The following DOK5 variants were observed in gnomAD, a reference collection of about 807,000 sequenced individuals.
DOK5 encodes the protein downstream of tyrosine kinase 5.
DOK5 carries 27 observed loss-of-function variants against 43.3 expected under a neutral mutation model. The observed-to-expected ratio is 0.62, with a 90% confidence interval of 0.46 to 0.86. The LOEUF is 0.86. Ranked by LOEUF, DOK5 falls within the 40% of genes least tolerant of loss-of-function variation. The probability of loss-of-function intolerance (pLI) is 0.00; values close to 1 mark genes in which losing one functional copy is unlikely to be tolerated. For synonymous variants in DOK5, 146 were observed against 140.1 expected, an observed-to-expected ratio of 1.04 and a Z score of -0.30; for missense variants, 373 against 392.9, an observed-to-expected ratio of 0.95 and a Z score of 0.43.
At chr20:54,619,623 C>G (rs1986921529) in intron 6 of DOK5, among the ~76,000 whole-genome samples, 1 of 152,170 alleles carries the variant, frequency 6.6e-6, no homozygotes, top group South Asian at 2.1e-4. Context: ...CTCTGGAGTC[C>G]TGATTACACA....
intron 1 of DOK5, among the ~76,000 whole-genome samples, chr20:54,514,985 A>C (rs1179145913): frequency 6.6e-6 from 1 of 151,608 alleles, no homozygotes; most frequent in African/African-American, 2.4e-5. Context: ...CTAAGGACCT[A>C]ACTTCAGGCT....
chr20:54,572,184 G>A lies in DOK5; in HGVS notation c.175-16299G>A, dbSNP rs999578244. Among the ~76,000 whole-genome samples, 21 of 147,890 alleles carry A rather than the reference G, an allele frequency of 1.4e-4. 1 individual carries two copies. The highest frequency in any genetic ancestry group is 9.9e-4 in the East Asian group (5 of 5,062). ...ACATTCTTTTTTTTTTTTTTGAGAC[G>A]GAGTCTCGCTCTGTTGCCCAGGCTG... On this transcript the variant is annotated intron_variant, in intron 2 of 7. Coordinates refer to ENST00000262593, the MANE Select transcript of DOK5 (RefSeq NM_018431.5).
rs1157633170 is a variant in DOK5 at position 54,544,450 on chromosome 20, G to A, written c.67-10483G>A. ...CCTGTCATGACACAGTCATTCATAG[G>A]ATGGAAAATTCTGACTTTCTTGGCC... On this transcript the variant is annotated intron_variant, in intron 1 of 7. Transcript: ENST00000262593. Among the ~76,000 whole-genome samples, 3 of 152,166 alleles carry A rather than the reference G, an allele frequency of 2.0e-5. No individual in the cohort carries two copies. In the East Asian group the frequency reaches 5.8e-4, roughly 29 times the overall value.
intron 2 of DOK5, among the ~76,000 whole-genome samples, chr20:54,563,325 T>TTTCCTGGTGGTTGCCTCTG (rs1984976486): frequency 6.6e-6 from 1 of 152,188 alleles, no homozygotes; most frequent in Non-Finnish European, 1.5e-5. Flanking sequence ...TGGTGTTCAT[T>TTTCCTGGTGGTTGCCTCTG]TTCCTGGTGG....
intron 2 of DOK5, among the ~76,000 whole-genome samples, chr20:54,567,699 C>G (rs747302021): frequency 2.6e-5 from 4 of 151,992 alleles, no homozygotes; most frequent in Non-Finnish European, 5.9e-5. Context: ...TAAAAATAAG[C>G]CTGTCTATAT....
chr20:54,589,632 A>G (rs956442459), intron 4 of DOK5, among the ~76,000 whole-genome samples: 6 of 152,148 alleles, frequency 3.9e-5, no homozygotes, highest in Admixed American at 3.9e-4. Flanking sequence ...GACTTGATCT[A>G]TGAGGGCATG....
intron 2 of DOK5, among the ~76,000 whole-genome samples, chr20:54,565,921 G>A (rs373350220): frequency 2.4e-4 from 36 of 151,770 alleles, no homozygotes; most frequent in African/African-American, 8.7e-4. Flanking sequence ...AGAAGGCTGA[G>A]GCAGGAGAAT....
chr20:54,636,059 G>C (rs1242176480), intron 6 of DOK5, among the ~76,000 whole-genome samples: 1 of 148,690 alleles, frequency 6.7e-6, no homozygotes, highest in Admixed American at 6.6e-5. Flanking sequence ...GAGAGGGCCG[G>C]AAGAGAGACC....
At chr20:54,637,927 CG>C (rs2146824306) in intron 6 of DOK5, among the ~76,000 whole-genome samples, 2 of 152,246 alleles carry the variant, frequency 1.3e-5, no homozygotes, top group South Asian at 4.1e-4. Context: ...TCAAGACCAT[CG>C]TGGCTAACAC....
intron 2 of DOK5, among the ~76,000 whole-genome samples, chr20:54,564,823 C>A (rs897122548): frequency 6.6e-6 from 1 of 152,202 alleles, no homozygotes; most frequent in Admixed American, 6.5e-5. Flanking sequence ...GGATTCCCGT[C>A]ACCCTTAGAA....
At chr20:54,601,210 A>C (rs1048441730) in intron 5 of DOK5, among the ~76,000 whole-genome samples, 5 of 152,214 alleles carry the variant, frequency 3.3e-5, no homozygotes, top group African/African-American at 1.2e-4. Flanking sequence ...GGTTAACTTC[A>C]GGGCTCATTC....
At chr20:54,639,601 T>C (rs984428270) in intron 6 of DOK5, among the ~76,000 whole-genome samples, 1 of 147,810 alleles carries the variant, frequency 6.8e-6, no homozygotes, top group African/African-American at 2.5e-5. Context: ...TACTTGTTAA[T>C]GTGAAGATAT....
At chr20:54,644,011 C>T (rs560076788) in intron 7 of DOK5, among the ~76,000 whole-genome samples, 1 of 152,202 alleles carries the variant, frequency 6.6e-6, no homozygotes, top group East Asian at 1.9e-4. Flanking sequence ...ATTTCCATGC[C>T]CTTCCCCAGA....
chr20:54,621,930 C>T (rs1247811079), intron 6 of DOK5, among the ~76,000 whole-genome samples: 1 of 151,776 alleles, frequency 6.6e-6, no homozygotes, highest in African/African-American at 2.4e-5. Context: ...CACTGCAGCT[C>T]ACACCTGTAA....
At chr20:54,493,435 T>C (rs566373951) in intron 1 of DOK5, among the ~76,000 whole-genome samples, 5 of 152,180 alleles carry the variant, frequency 3.3e-5, no homozygotes, top group Admixed American at 6.5e-5. Flanking sequence ...GTTTCTCTAA[T>C]TACTGCTCAT....
intron 5 of DOK5, among the ~76,000 whole-genome samples, chr20:54,608,799 G>A (rs930508577): frequency 3.3e-5 from 5 of 151,876 alleles, no homozygotes; most frequent in African/African-American, 1.2e-4. Context: ...AGCCTCCAGA[G>A]TAGCTGGGAT....
intron 1 of DOK5, among the ~76,000 whole-genome samples, chr20:54,553,952 A>G (rs1984627073): frequency 6.6e-6 from 1 of 150,984 alleles, no homozygotes. Flanking sequence ...AAAATGTCTC[A>G]TTTTATTTTG....
intron 5 of DOK5, among the ~76,000 whole-genome samples, chr20:54,597,283 G>C (rs558721113): frequency 6.6e-6 from 1 of 152,202 alleles, no homozygotes; most frequent in Non-Finnish European, 1.5e-5. Context: ...AATGTCTGGA[G>C]ACATTTTTGA....
intron 1 of DOK5, among the ~76,000 whole-genome samples, chr20:54,477,903 C>A (rs916313296): frequency 2.6e-5 from 4 of 152,176 alleles, no homozygotes; most frequent in African/African-American, 9.7e-5. Flanking sequence ...TAGATTATTA[C>A]AATTGACACA....
Sources: allele counts gnomAD v4.1 joint callset (sites outside exome capture counted in the v4.1 genomes callset), GRCh38; gene constraint gnomAD v4.1.1; transcripts MANE v1.5; gene names NCBI Gene and HGNC (gene_info 2026-07-23, HGNC 2026-07-21).